Variants in STPG2 observed in about 807,000 individuals in gnomAD.
STPG2 encodes the protein sperm-tail PG-rich repeat-containing protein 2.
In STPG2, 56 loss-of-function variants were observed where a neutral mutation model predicts 54.2. That is an observed-to-expected ratio of 1.03 (90% CI 0.83 to 1.29). The LOEUF (loss-of-function observed/expected upper bound fraction) is 1.29. Among genes scored for constraint, STPG2 ranks in the 50% most tolerant of loss-of-function variants. The probability of loss-of-function intolerance (pLI) is 0.00; values close to 1 mark genes in which losing one functional copy is unlikely to be tolerated. For synonymous variants in STPG2, 200 were observed against 181.8 expected (o/e 1.10, Z -0.81); for missense variants, 596 against 544.9 (o/e 1.09, Z -0.93).
intron 10 of STPG2, among the ~76,000 whole-genome samples, chr4:97,565,485 G>A (rs570342269): frequency 1.2e-4 from 19 of 152,288 alleles, no homozygotes; most frequent in South Asian, 2.1e-4. Context: ...GAGGAGCTGC[G>A]TTCCTTTGTA....
intron 4 of STPG2, among the ~76,000 whole-genome samples, chr4:97,553,478 C>A (rs1281102959): frequency 6.6e-6 from 1 of 152,130 alleles, no homozygotes; most frequent in Non-Finnish European, 1.5e-5. Context: ...TAAATTGTGA[C>A]AACTGTCAGT....
At chr4:97,916,024 G>C (rs553681806) in intron 8 of STPG2, among the ~76,000 whole-genome samples, 20 of 152,256 alleles carry the variant, frequency 1.3e-4, no homozygotes, top group Admixed American at 7.2e-4. Flanking sequence ...TTAGAGGTGT[G>C]AATGACAGAA....
At chr4:97,807,162 AATTAT>A (rs1210213862) in intron 9 of STPG2, among the ~76,000 whole-genome samples, 3 of 151,228 alleles carry the variant, frequency 2.0e-5, no homozygotes, top group African/African-American at 4.8e-5. Flanking sequence ...AGTCAATATT[AATTAT>A]ATTATATTAA....
intron 9 of STPG2, among the ~76,000 whole-genome samples, chr4:97,750,364 C>T (rs1166306419): frequency 6.6e-6 from 1 of 151,806 alleles, no homozygotes; most frequent in Non-Finnish European, 1.5e-5. Context: ...CTAGAAAACT[C>T]ATCTCTTCAT....
intron 3 of STPG2, among the ~76,000 whole-genome samples, chr4:98,120,331 G>A (rs888537629): frequency 2.6e-5 from 4 of 151,894 alleles, no homozygotes; most frequent in South Asian, 2.1e-4. Flanking sequence ...CACCTGCCTC[G>A]GCCTTCCAAA....
intron 9 of STPG2, among the ~76,000 whole-genome samples, chr4:97,733,614 G>T (rs1724877066): frequency 1.3e-5 from 2 of 152,048 alleles, no homozygotes; most frequent in Non-Finnish European, 1.5e-5. Flanking sequence ...AAATGTCTAT[G>T]GAGGTCATGG....
At chr4:97,586,464 T>C (rs1266980297) in intron 10 of STPG2, among the ~76,000 whole-genome samples, 1 of 151,950 alleles carries the variant, frequency 6.6e-6, no homozygotes, top group Non-Finnish European at 1.5e-5. Flanking sequence ...TAATTACATA[T>C]TCAAAGAGCT....
chr4:97,948,338 A>G (rs1357322710), intron 7 of STPG2, among the ~76,000 whole-genome samples: 2 of 152,034 alleles, frequency 1.3e-5, no homozygotes, highest in African/African-American at 2.4e-5. Flanking sequence ...AGCTAAAGTT[A>G]TATCAATTTT....
Position 98,135,463 on chromosome 4 carries a change from T to C in STPG2, c.110-1004A>G, listed in dbSNP as rs1451725665. 2.6e-5 allele frequency among the ~76,000 whole-genome samples: 4 copies of C among 151,912 alleles called. No homozygotes were observed. The East Asian group carries it at 7.7e-4, about 29-fold the overall frequency. On this transcript the variant is annotated intron_variant, in intron 1 of 10. Coordinates refer to ENST00000295268, the MANE Select transcript of STPG2 (RefSeq NM_174952.3). ...TCTAAAAAAGTAATATCTTGAAGCA[T>C]TGAGAAAAGTATTGAAATAATTTTA...
At chr4:97,455,094 CA>C in intron 4 of STPG2, among the ~76,000 whole-genome samples, 1 of 152,076 alleles carries the variant, frequency 6.6e-6, no homozygotes, top group East Asian at 1.9e-4. Flanking sequence ...ATAACCTTCA[CA>C]AAAAATAGCT....
intron 7 of STPG2, among the ~76,000 whole-genome samples, chr4:97,944,659 T>G (rs1031029640): frequency 6.6e-6 from 1 of 152,166 alleles, no homozygotes; most frequent in Non-Finnish European, 1.5e-5. Context: ...TTTTCCCATT[T>G]TTTTACACAT....
intron 4 of STPG2, among the ~76,000 whole-genome samples, chr4:97,471,990 CTGAT>C (rs1180988526): frequency 6.6e-6 from 1 of 152,106 alleles, no homozygotes; most frequent in Non-Finnish European, 1.5e-5. Context: ...CATATGAAGA[CTGAT>C]TTATTTGAGA....
At chr4:97,935,296 T>C (rs1732707404) in intron 8 of STPG2, among the ~76,000 whole-genome samples, 1 of 152,090 alleles carries the variant, frequency 6.6e-6, no homozygotes, top group African/African-American at 2.4e-5. Context: ...GTTAATGAAG[T>C]TTCTTCATAG....
chr4:97,803,666 G>A (rs548827887), intron 9 of STPG2, among the ~76,000 whole-genome samples: 9 of 152,146 alleles, frequency 5.9e-5, no homozygotes, highest in East Asian at 1.9e-4. Context: ...TCAGCCTCCC[G>A]AGTAGCTGGG....
At chr4:97,597,627 A>G (rs1733333409) in intron 10 of STPG2, among the ~76,000 whole-genome samples, 1 of 152,202 alleles carries the variant, frequency 6.6e-6, no homozygotes, top group Non-Finnish European at 1.5e-5. Flanking sequence ...AAATAAAATA[A>G]AAAACCACAT....
intron 7 of STPG2, among the ~76,000 whole-genome samples, chr4:97,954,006 T>C (rs1456075769): frequency 3.3e-5 from 5 of 152,210 alleles, no homozygotes; most frequent in South Asian, 2.1e-4. Context: ...TACTGTCATA[T>C]ATATGGTACT....
rs551086966 is a variant in STPG2, at chr4:97,644,931, T to A, written c.1320+67768A>T. On this transcript the variant is annotated intron_variant, in intron 10 of 10. Coordinates refer to ENST00000295268, the MANE Select transcript of STPG2 (RefSeq NM_174952.3). ...GACAACACTAGATTTTGGATGCTGT[T>A]ATTTTTTCCTTCACAATGTCATGCT... 1.2e-3 allele frequency among the ~76,000 whole-genome samples: 176 copies of A among 152,154 alleles called. 1 individual carries two copies. Among genetic ancestry groups the A allele is most frequent in the African/African-American group, 3.9e-3 (160 of 41,542 alleles).
chr4:97,579,607 A>C (rs1732812313), intron 10 of STPG2, among the ~76,000 whole-genome samples: 1 of 152,050 alleles, frequency 6.6e-6, no homozygotes, highest in Admixed American at 6.6e-5. Context: ...TCATCTTCTA[A>C]ATTGGAACTT....
intron 10 of STPG2, among the ~76,000 whole-genome samples, chr4:97,564,183 T>C (rs1247492034): frequency 1.3e-5 from 2 of 152,216 alleles, no homozygotes; most frequent in East Asian, 3.8e-4. Context: ...TTTACCATTA[T>C]GTAATGGCCT....
Sources: allele counts gnomAD v4.1 joint callset (sites outside exome capture counted in the v4.1 genomes callset), GRCh38; gene constraint gnomAD v4.1.1; transcripts MANE v1.5; gene names NCBI Gene and HGNC (gene_info 2026-07-23, HGNC 2026-07-21).